The following ARPC3 variants were observed in gnomAD, a reference collection of about 807,000 sequenced individuals.
ARPC3 encodes the protein actin-related protein 2/3 complex subunit 3.
ARPC3 carries 12 observed loss-of-function variants against 27.6 expected under a neutral mutation model. The ratio of observed to expected loss-of-function variants is 0.43; its 90% CI spans 0.28 to 0.70. The LOEUF (loss-of-function observed/expected upper bound fraction) is 0.70, where lower values mean the gene tolerates loss of function less well. ARPC3 is among the 30% of genes least tolerant of loss of function. ARPC3 has a pLI of 0.17. For synonymous variants in ARPC3, 53 were observed against 67.2 expected (o/e 0.79, Z 1.03); for missense variants, 153 against 207.7 (o/e 0.74, Z 1.62).
chr12:110,438,886 G>T (rs145003184), intron 3 of ARPC3, among the ~76,000 whole-genome samples: 1 of 151,218 alleles, frequency 6.6e-6, no homozygotes, highest in Admixed American at 6.6e-5. Flanking sequence ...CAGGTGATCC[G>T]CCCGCCTTGG....
chr12:110,443,365 G>T (rs1048590219), intron 2 of ARPC3, among the ~76,000 whole-genome samples: 23 of 152,092 alleles, frequency 1.5e-4, no homozygotes, highest in Admixed American at 1.5e-3. Context: ...TGATCCACCC[G>T]TCTTGGCCTC....
chr12:110,439,980 A>G (rs942774872), intron 3 of ARPC3, among the ~76,000 whole-genome samples: 6 of 152,326 alleles, frequency 3.9e-5, no homozygotes, highest in African/African-American at 1.4e-4. Flanking sequence ...TCTTTGTCAC[A>G]ACTACTCAAT....
Position 110,437,105 on chromosome 12 carries a change from T to C in ARPC3, c.231A>G (p.Glu77=). 1 of 1,602,856 alleles carries C rather than the reference T, an allele frequency of 6.2e-7. No homozygotes were observed. Among genetic ancestry groups the C allele is most frequent in the Non-Finnish European group, 8.5e-7 (1 of 1,170,156 alleles). ...TLIYITLYIS[E]CLKKLQKCNS... is the part of the protein sequence containing the mutation. ...TTACCTTTTGCAGTTTCTTCAGACA[T>C]TCAGAAATGTAGAGAGTTATATATA... Residue 77 remains glutamate, a synonymous_variant, in exon 4 of 7, where the codon GAA becomes GAG. Coordinates refer to ENST00000228825, the MANE Select transcript of ARPC3 (RefSeq NM_001278556.2).
chr12:110,443,364 C>A (rs763700428), intron 2 of ARPC3, among the ~76,000 whole-genome samples: 1 of 152,104 alleles, frequency 6.6e-6, no homozygotes, highest in Non-Finnish European at 1.5e-5. Flanking sequence ...GTGATCCACC[C>A]GTCTTGGCCT....
rs2138032999 is a variant in ARPC3 at position 110,436,108 on chromosome 12, A to G, written c.474+2T>C. ...ATTAAGCAGGCAAGAAGAGGGTCTTACCTTGCTGGGTTTATCATTCTGAGG... is the reference window on the plus strand; with the variant it reads ...ATTAAGCAGGCAAGAAGAGGGTCTTGCCTTGCTGGGTTTATCATTCTGAGG... On this transcript the variant is annotated splice_donor_variant, in intron 6 of 6. Coordinates refer to ENST00000228825, the MANE Select transcript of ARPC3 (RefSeq NM_001278556.2). LOFTEE classifies it high-confidence loss of function. 1 of 1,609,206 alleles carries G rather than the reference A, an allele frequency of 6.2e-7. No homozygotes were observed. The highest frequency in any genetic ancestry group is 8.5e-7 in the Non-Finnish European group (1 of 1,176,196).
intron 2 of ARPC3, among the ~76,000 whole-genome samples, chr12:110,441,482 A>T (rs2062437508): frequency 6.6e-6 from 1 of 152,114 alleles, no homozygotes; most frequent in African/African-American, 2.4e-5. Flanking sequence ...TTACAGCTTT[A>T]TTGTTTTCGT....
intron 5 of ARPC3, 127 bp from the exon 6 acceptor site, chr12:110,436,331 C>T (rs1592949851): frequency 2.8e-6 from 3 of 1,073,062 alleles, no homozygotes; most frequent in Middle Eastern, 2.1e-4. Flanking sequence ...ATAGAAATGA[C>T]AGTCCAGATA....
At chr12:110,447,570 C>T (rs1351943449) in intron 1 of ARPC3, among the ~76,000 whole-genome samples, 3 of 152,052 alleles carry the variant, frequency 2.0e-5, no homozygotes, top group Non-Finnish European at 4.4e-5. Context: ...GCCAGAAGAT[C>T]GAGACCACCC....
chr12:110,441,913 T>C (rs1013773525), intron 2 of ARPC3, among the ~76,000 whole-genome samples: 8 of 150,960 alleles, frequency 5.3e-5, no homozygotes, highest in African/African-American at 2.0e-4. Flanking sequence ...GCACCTGTAA[T>C]CCCAGCTATT....
intron 4 of ARPC3, 127 bp downstream of exon 4, chr12:110,436,957 C>T: frequency 1.3e-6 from 1 of 779,926 alleles, no homozygotes; most frequent in Non-Finnish European, 2.2e-6. Context: ...CTCTTAAGTC[C>T]ATGCTGTAAG....
In ARPC3 at chr12:110,450,285, C is replaced by T. The variant is rs2062494885; in HGVS notation, c.-25G>A. The stretch of plus-strand genomic sequence containing the variant: ...TCTTGGCGGCGCCCGGGTTTCAACC[C>T]AGAGGAGCAGGATCCAGGTACAGCG... On this transcript the variant is annotated 5_prime_UTR_variant, in exon 1 of 7. Coordinates refer to ENST00000228825, the MANE Select transcript of ARPC3 (RefSeq NM_001278556.2). 6.2e-7 allele frequency: 1 copy of T among 1,613,862 alleles called. No homozygotes were observed.
At chr12:110,444,030 C>T (rs947705528) in intron 2 of ARPC3, among the ~76,000 whole-genome samples, 1 of 150,094 alleles carries the variant, frequency 6.7e-6, no homozygotes, top group Non-Finnish European at 1.5e-5. Flanking sequence ...AGTGCAATGA[C>T]ATGATCTCGG....
rs79427730 is a variant in ARPC3, at chr12:110,443,832, C to T, written c.106+1620G>A. 6.9e-3 allele frequency among the ~76,000 whole-genome samples: 1,045 copies of T among 152,264 alleles called. 1 individual carries two copies. The highest frequency in any genetic ancestry group is 9.4e-3 in the Non-Finnish European group (639 of 68,026). ...TTCTAAATGCAATGACAGGAGGGGG[C>T]AAAGGCCAAAGGATTCTGAAATTAG... On this transcript the variant is annotated intron_variant, in intron 2 of 6. Coordinates refer to ENST00000228825, the MANE Select transcript of ARPC3 (RefSeq NM_001278556.2).
intron 3 of ARPC3, among the ~76,000 whole-genome samples, chr12:110,438,810 A>AT (rs1489163944): frequency 6.7e-6 from 1 of 149,872 alleles, no homozygotes; most frequent in Non-Finnish European, 1.5e-5. Flanking sequence ...CGCCCAGTTA[A>AT]TTTTGTATTT....
intron 2 of ARPC3, among the ~76,000 whole-genome samples, chr12:110,441,914 C>G (rs1051421120): frequency 2.6e-5 from 4 of 151,570 alleles, no homozygotes; most frequent in African/African-American, 4.9e-5. Flanking sequence ...CACCTGTAAT[C>G]CCAGCTATTC....
intron 2 of ARPC3, chr12:110,442,661 T>C (rs2135502095): frequency 6.6e-6 from 1 of 151,970 alleles, no homozygotes; most frequent in South Asian, 2.1e-4. Context: ...AAGTATTCAA[T>C]ATAATTTTAT....
rs147653097 is a variant in ARPC3 at position 110,439,054 on chromosome 12, C to T, written c.183+1258G>A. 7.0e-3 allele frequency among the ~76,000 whole-genome samples: 1,043 copies of T among 149,670 alleles called. 1 individual carries two copies. The highest frequency in any genetic ancestry group is 9.5e-3 in the Non-Finnish European group (638 of 67,282). On this transcript the variant is annotated intron_variant, in intron 3 of 6. Coordinates refer to ENST00000228825, the MANE Select transcript of ARPC3 (RefSeq NM_001278556.2). The stretch of plus-strand genomic sequence containing the variant: ...CAGGCTGGGTGCAGTGGTGTGATCT[C>T]GGCTCACTGCAACCATCACCTCCTG...
intron 3 of ARPC3, among the ~76,000 whole-genome samples, chr12:110,439,034 T>C (rs1380543304): frequency 6.6e-6 from 1 of 151,740 alleles, no homozygotes; most frequent in African/African-American, 2.4e-5. Context: ...TCGCCCAGGC[T>C]GGGTGCAGTG....
chr12:110,436,709 T>TATACACAC lies in ARPC3; in HGVS notation c.253-34_253-27dup, dbSNP rs71083123. 87 of 546,282 alleles carry TATACACAC rather than the reference T, an allele frequency of 1.6e-4. 2 individuals are homozygous for TATACACAC. The highest frequency in any genetic ancestry group is 2.7e-4 in the Admixed American group (7 of 25,848). The allele number at this position is 546,282 out of a possible 1,614,324, so 33.8% of individuals were successfully genotyped here. ...CTGGAAAAAAAAATATATATATATA[T>TATACACAC]ATACACACACACACACACACACACA... On this transcript the variant is annotated intron_variant, in intron 4 of 6. Coordinates refer to ENST00000228825, the MANE Select transcript of ARPC3 (RefSeq NM_001278556.2).
Sources: allele counts gnomAD v4.1 joint callset (sites outside exome capture counted in the v4.1 genomes callset), GRCh38; gene constraint gnomAD v4.1.1; transcripts MANE v1.5; gene names NCBI Gene and HGNC (gene_info 2026-07-23, HGNC 2026-07-21).